AIG1: variants seen among roughly 807,000 people sequenced by gnomAD.
AIG1 encodes the protein androgen induced 1, also known as androgen-induced gene 1 protein.
In AIG1, 23 loss-of-function variants were observed where a neutral mutation model predicts 31.4. The observed-to-expected ratio is 0.73, with a 90% CI of 0.53 to 1.04. AIG1 has a LOEUF of 1.04. Among genes scored for constraint, AIG1 ranks in the 50% least tolerant of loss-of-function variants. The pLI, the probability that AIG1 is intolerant of heterozygous loss-of-function variation, is 0.00. For synonymous variants in AIG1, 100 were observed against 110.5 expected (o/e 0.90, Z 0.60); for missense variants, 274 against 295.0 (o/e 0.93, Z 0.52).
intron 2 of AIG1, among the ~76,000 whole-genome samples, chr6:143,142,480 G>C (rs1333383426): frequency 1.3e-5 from 2 of 152,118 alleles, no homozygotes; most frequent in African/African-American, 2.4e-5. Context: ...GTACACTTTT[G>C]CCCTGGTGTT....
At chr6:143,189,864 G>C (rs771954221) in intron 3 of AIG1, 21 of 927,092 alleles carry the variant, frequency 2.3e-5, no homozygotes, top group Non-Finnish European at 2.7e-5. Flanking sequence ...TAGCACAATT[G>C]GGTGGCTTAT....
intron 3 of AIG1, among the ~76,000 whole-genome samples, chr6:143,281,366 T>C (rs190190210): frequency 3.9e-5 from 6 of 152,334 alleles, no homozygotes; most frequent in Admixed American, 6.5e-5. Flanking sequence ...TTCTAAGTGC[T>C]GCAGATACCA....
At chr6:143,262,387 A>C (rs1480632837) in intron 3 of AIG1, among the ~76,000 whole-genome samples, 1 of 152,200 alleles carries the variant, frequency 6.6e-6, no homozygotes, top group African/African-American at 2.4e-5. Context: ...AAACTCTAAC[A>C]TACAGCTCTG....
chr6:143,149,752 A>C (rs1380813496), intron 2 of AIG1, among the ~76,000 whole-genome samples: 1 of 152,188 alleles, frequency 6.6e-6, no homozygotes, highest in Non-Finnish European at 1.5e-5. Flanking sequence ...TGACAAGAAA[A>C]GAAAATCTTT....
intron 2 of AIG1, among the ~76,000 whole-genome samples, chr6:143,148,227 A>G (rs1443781719): frequency 6.6e-6 from 1 of 151,592 alleles, no homozygotes; most frequent in Non-Finnish European, 1.5e-5. Context: ...TGGACTGGAC[A>G]TGGCGGCTCA....
intron 2 of AIG1, among the ~76,000 whole-genome samples, chr6:143,137,935 G>A (rs1783904248): frequency 6.6e-6 from 1 of 152,180 alleles, no homozygotes; most frequent in Non-Finnish European, 1.5e-5. Flanking sequence ...GTCCATTGTA[G>A]GAAGAATCAG....
intron 1 of AIG1, among the ~76,000 whole-genome samples, chr6:143,108,356 A>G (rs1197734906): frequency 3.3e-5 from 5 of 152,220 alleles, no homozygotes; most frequent in Non-Finnish European, 5.9e-5. Flanking sequence ...GAGAAACCTA[A>G]AACCAAGTGA....
chr6:143,140,478 C>T (rs565995045), intron 2 of AIG1, among the ~76,000 whole-genome samples: 6 of 152,236 alleles, frequency 3.9e-5, no homozygotes, highest in African/African-American at 7.2e-5. Flanking sequence ...TCCCTGTTCC[C>T]GCAACTGCTC....
At chr6:143,306,305 A>C (rs927511950) in intron 4 of AIG1, among the ~76,000 whole-genome samples, 9 of 152,158 alleles carry the variant, frequency 5.9e-5, no homozygotes, top group Non-Finnish European at 1.0e-4. Flanking sequence ...TAGTTGATGC[A>C]GTTTCTTCCT....
rs1172244237 is a variant in AIG1 at position 143,284,647 on chromosome 6, G to T, written c.515+422G>T. ...TGACTTAAAACTTACTAGGAAACAA[G>T]TGAAAATGTATGTTTTCCCTGGTCC... On this transcript the variant is annotated intron_variant, in intron 4 of 5. Coordinates refer to ENST00000357847, the MANE Select transcript of AIG1 (RefSeq NM_016108.4). This position sits in a 1 kb window ranked among gnomAD's most constrained non-coding sequence, Gnocchi z 4.4. Among the ~76,000 whole-genome samples, 1 of 152,134 alleles carries T rather than the reference G, an allele frequency of 6.6e-6. No homozygotes were observed.
At chr6:143,094,074 G>C (rs1169671731) in intron 1 of AIG1, 1 of 152,188 alleles carries the variant, frequency 6.6e-6, no homozygotes, top group East Asian at 1.9e-4. Context: ...GCTTGATGCA[G>C]GGTTGCCACA....
intron 3 of AIG1, among the ~76,000 whole-genome samples, chr6:143,214,177 T>C (rs1791824090): frequency 6.6e-6 from 1 of 152,210 alleles, no homozygotes; most frequent in Admixed American, 6.5e-5. Flanking sequence ...CATCAAGATA[T>C]GTTACTGCCA....
chr6:143,061,242 C>G, intron 1 of AIG1, 176 bp downstream of exon 1: 1 of 800,338 alleles, frequency 1.2e-6, no homozygotes, highest in Non-Finnish European at 2.1e-6. Context: ...TGGCTGCCCC[C>G]GCAGCGGCAC....
chr6:143,325,524 A>T lies in AIG1; in HGVS notation c.516-7758A>T, dbSNP rs540355679. On this transcript the variant is annotated intron_variant, in intron 4 of 5. Transcript: ENST00000357847. The surrounding 1 kb of genome is among the most constrained non-coding windows in gnomAD (Gnocchi z 4.3). ...CAGACTGAACTCATCATCCCTTCAA[A>T]CAGGCTCCCTTACAGCATTCCCTCT... Among the ~76,000 whole-genome samples the T allele has an allele frequency of 1.2e-4, 18 of 152,240 alleles. No individual in the cohort carries two copies. The highest frequency in any genetic ancestry group is 3.4e-3 in the Middle Eastern group (1 of 294).
intron 3 of AIG1, among the ~76,000 whole-genome samples, chr6:143,269,444 A>G (rs982651142): frequency 3.3e-5 from 5 of 152,216 alleles, no homozygotes; most frequent in Non-Finnish European, 5.9e-5. Context: ...ATCATGTCCT[A>G]TGAGCTAGCA....
intron 4 of AIG1, among the ~76,000 whole-genome samples, chr6:143,308,212 A>G (rs916461891): frequency 1.3e-5 from 2 of 152,198 alleles, no homozygotes; most frequent in Non-Finnish European, 2.9e-5. Context: ...CGCTGCACCC[A>G]CTGTCCTGTG....
At chr6:143,287,266 G>C (rs1258343842) in intron 4 of AIG1, among the ~76,000 whole-genome samples, 2 of 151,960 alleles carry the variant, frequency 1.3e-5, no homozygotes, top group Non-Finnish European at 2.9e-5. Flanking sequence ...AATCATAATG[G>C]GTACCATTCC....
chr6:143,341,399 T>G (rs1777849195), downstream of AIG1, among the ~76,000 whole-genome samples: 1 of 152,104 alleles, frequency 6.6e-6, no homozygotes, highest in South Asian at 2.1e-4. Context: ...AAAATTTATA[T>G]GTTGAACCCG....
At chr6:143,190,063 CA>C in intron 3 of AIG1, 3 of 594,670 alleles carry the variant, frequency 5.0e-6, no homozygotes, top group Non-Finnish European at 6.3e-6. Context: ...CAATCCCATT[CA>C]TTGAGGATTC....
Sources: gnomAD v4.1 joint callset for allele counts (sites outside exome capture counted in the v4.1 genomes callset) on GRCh38, gnomAD v4.1.1 for gene constraint, Gnocchi (gnomAD v3.1) non-coding constraint, MANE v1.5 for transcripts, NCBI Gene and HGNC (gene_info 2026-07-23, HGNC 2026-07-21) for gene names.